NPIPB4: variants seen among roughly 807,000 people sequenced by gnomAD.
NPIPB4 encodes the protein nuclear pore complex-interacting protein family member B4.
For synonymous variants in NPIPB4, 31 were observed against 194.1 expected (o/e 0.16, Z 6.99); for missense variants, 105 against 513.7 (o/e 0.20, Z 7.69).
chr16:21,843,145 GAGAA>G (rs1901956696), intron 5 of NPIPB4, among the ~76,000 whole-genome samples: 2 of 128,870 alleles, frequency 1.6e-5, no homozygotes, highest in Admixed American at 8.4e-5. Flanking sequence ...AAAAAAAAAA[GAGAA>G]AGGAAAACCA....
intron 2 of NPIPB4, among the ~76,000 whole-genome samples, chr16:21,847,893 C>CT (rs1374095202): frequency 7.6e-3 from 127 of 16,704 alleles, no homozygotes; most frequent in Middle Eastern, 0.029. Context: ...AAAAAAACCT[C>CT]TTTTTTTTTT....
intron 2 of NPIPB4, among the ~76,000 whole-genome samples, chr16:21,850,227 C>G (rs1902378632): frequency 6.9e-6 from 1 of 143,970 alleles, no homozygotes; most frequent in African/African-American, 2.5e-5. Flanking sequence ...CCCCATTGCA[C>G]TCCAGCCTGG....
rs1481834332 is a variant in NPIPB4 at position 21,837,361 on chromosome 16, A to G, written c.1026T>C (p.Pro342=). The change falls in exon 8 of 8, where the codon CCT becomes CCC. Residue 342 remains proline (P), a synonymous_variant. Transcript: ENST00000682606. ...GAAGGGGAGTGAGCAGACACTCGGG[A>G]GGTGTCTTGAGTTTATCATCCGCTG... is the stretch of plus-strand genomic sequence containing the variant. The part of the protein sequence containing the change: ...PPSADDKLKT[P]PECLLTPLPP... 2 of 1,340,164 alleles carry G rather than the reference A, an allele frequency of 1.5e-6. No homozygotes were observed. The highest frequency in any genetic ancestry group is 4.4e-5 in the Admixed American group (2 of 45,452). 83.0% of individuals were successfully genotyped at this position (1,340,164 alleles called of 1,614,324 possible). A position where few individuals can be genotyped will look rare whatever the true frequency, so the allele number is the denominator to read the frequency against.
At chr16:21,849,958 G>T (rs866802024) in intron 2 of NPIPB4, among the ~76,000 whole-genome samples, 102 of 26,014 alleles carry the variant, frequency 3.9e-3, no homozygotes, top group South Asian at 0.031. Flanking sequence ...ACTTTCTGGG[G>T]TGACATAATA....
chr16:21,840,308 TACAGTTTCTGAACTC>T (rs1223323708), intron 5 of NPIPB4, among the ~76,000 whole-genome samples: 1 of 55,794 alleles, frequency 1.8e-5, no homozygotes, highest in Non-Finnish European at 4.0e-5. Flanking sequence ...GAGGGTGGGG[TACAGTTTCTGAACTC>T]ACTTGTAGGT....
rs201228094 is a variant in NPIPB4, at chr16:21,837,471, C to T, written c.916G>A (p.Glu306Lys). ...GGTGGAAGGGGAGTGAGCACACACT[C>T]GGGAGGTGTCTTGAGATTATCATCC... Reference protein sequence around the residue: ...SADDNLKTPPECVLTPLPPSA... With the variant: ...SADDNLKTPPKCVLTPLPPSA... The change falls in exon 8 of 8, where the codon GAG becomes AAG. Residue 306 changes from glutamate (E) to lysine (K), a missense_variant. Coordinates refer to ENST00000682606, the MANE Select transcript of NPIPB4 (RefSeq NM_001384980.1). 1,668 of 664,926 alleles carry T rather than the reference C, an allele frequency of 2.5e-3. 190 individuals are homozygous for T. Among genetic ancestry groups the T allele is most frequent in the Non-Finnish European group, 1.8e-3 (774 of 436,394 alleles). The allele number at this position is 664,926 out of a possible 1,614,324, so 41.2% of individuals were successfully genotyped here.
intron 2 of NPIPB4, among the ~76,000 whole-genome samples, chr16:21,850,672 A>T (rs1407360583): frequency 7.8e-5 from 8 of 102,464 alleles, no homozygotes; most frequent in African/African-American, 4.2e-4. Context: ...ACTCTGTCTA[A>T]AAAAAAAAAA....
intron 2 of NPIPB4, among the ~76,000 whole-genome samples, chr16:21,850,580 G>T (rs1268711263): frequency 5.6e-5 from 8 of 141,786 alleles, no homozygotes; most frequent in African/African-American, 2.2e-4. Context: ...GCTGAGGCAG[G>T]ACAATTGCTT....
In NPIPB4 at chr16:21,836,368, T is replaced by G. The variant is rs1221561036; in HGVS notation, c.2019A>C (p.Ser673=). Residue 673 remains serine (S), a synonymous_variant, in exon 8 of 8, where the codon TCA becomes TCC. Transcript: ENST00000682606. Reference sequence around the variant, plus strand: ...GTGAGCTGACGCTCGGAAGGTGTCTTGAGATTATCATCGGCTGATGGTGGA... The same window carrying G: ...GTGAGCTGACGCTCGGAAGGTGTCTGGAGATTATCATCGGCTGATGGTGGA... The part of the protein sequence containing the change: ...FRFHHQPMII[S]RHLPSVSSLP... 35 of 743,230 alleles carry G rather than the reference T, an allele frequency of 4.7e-5. No homozygotes were observed. Among genetic ancestry groups the G allele is most frequent in the Non-Finnish European group, 6.5e-5 (31 of 479,226 alleles). 46.0% of individuals were successfully genotyped at this position (743,230 alleles called of 1,614,324 possible).
chr16:21,840,529 C>T (rs565617794), intron 5 of NPIPB4, among the ~76,000 whole-genome samples: 1 of 150,566 alleles, frequency 6.6e-6, no homozygotes, highest in Non-Finnish European at 1.5e-5. Context: ...AAAGATTCCC[C>T]CCTGCAACCT....
Position 21,840,616 on chromosome 16 carries a change from C to T in NPIPB4, c.546-1306G>A, listed in dbSNP as rs1349494584. Among the ~76,000 whole-genome samples, 9 of 139,734 alleles carry T rather than the reference C, an allele frequency of 6.4e-5. 1 individual carries two copies. Among genetic ancestry groups the T allele is most frequent in the African/African-American group, 2.3e-4 (9 of 38,438 alleles). The allele number at this position is 139,734 out of a possible 152,430, so 91.7% of individuals were successfully genotyped here. A position where few individuals can be genotyped will look rare whatever the true frequency, so the allele number is the denominator to read the frequency against. Reference sequence around the variant, plus strand: ...CCCATTGAGGGACAAAAAAAAGTCACACTCTGGCCTGCTGGCAAGTCACCT... The same window carrying T: ...CCCATTGAGGGACAAAAAAAAGTCATACTCTGGCCTGCTGGCAAGTCACCT... On this transcript the variant is annotated intron_variant, in intron 5 of 7. Coordinates refer to ENST00000682606, the MANE Select transcript of NPIPB4 (RefSeq NM_001384980.1).
At position 21,836,373 on chromosome 16, in the gene NPIPB4, T is replaced by C. The variant is rs1262465622; in HGVS notation, c.2014A>G (p.Ile672Val). ...GFRFHHQPMI[I>V]SRHLPSVSSL... ...CTGACGCTCGGAAGGTGTCTTGAGA[T>C]TATCATCGGCTGATGGTGGAAGCGG... The change falls in exon 8 of 8, where the codon ATC becomes GTC. Residue 672 changes from isoleucine to valine, a missense_variant. Coordinates refer to ENST00000682606, the MANE Select transcript of NPIPB4 (RefSeq NM_001384980.1). 1 of 806,060 alleles carries C rather than the reference T, an allele frequency of 1.2e-6. No homozygotes were observed. Among genetic ancestry groups the C allele is most frequent in the South Asian group, 1.5e-5 (1 of 65,334 alleles). 49.9% of individuals were successfully genotyped at this position (806,060 alleles called of 1,614,324 possible).
Position 21,836,453 on chromosome 16 carries a change from T to C in NPIPB4, c.1934A>G (p.Gln645Arg), listed in dbSNP as rs1901489107. Residue 645 changes from glutamine (Q) to arginine (R), a missense_variant, in exon 8 of 8, where the codon CAG becomes CGG. Transcript: ENST00000682606. The stretch of plus-strand genomic sequence containing the variant: ...TATTATCATCTGCTGAGGGTGGAGC[T>C]GAGGGTGGAAGGGGAGTGAGCTGAC... ...PSVSSLPFHP[Q>R]LHPQQMIISR... 1 of 1,245,112 alleles carries C rather than the reference T, an allele frequency of 8.0e-7. No homozygotes were observed. The highest frequency in any genetic ancestry group is 1.3e-5 in the South Asian group (1 of 75,866). The allele number at this position is 1,245,112 out of a possible 1,614,324, so 77.1% of individuals were successfully genotyped here.
At chr16:21,842,029 T>C (rs1253004523) in intron 5 of NPIPB4, among the ~76,000 whole-genome samples, 1 of 151,448 alleles carries the variant, frequency 6.6e-6, no homozygotes, top group Non-Finnish European at 1.5e-5. Flanking sequence ...GCAGCTTGTA[T>C]GGAGGACCCC....
chr16:21,850,545 CG>C, intron 2 of NPIPB4, among the ~76,000 whole-genome samples: 1 of 150,308 alleles, frequency 6.7e-6, no homozygotes, highest in Non-Finnish European at 1.5e-5. Flanking sequence ...ATTAGCCAGG[CG>C]TTGTAATCTG....
At chr16:21,851,285 G>A (rs1191518952) in intron 2 of NPIPB4, 104 of 217,388 alleles carry the variant, frequency 4.8e-4, no homozygotes, top group Middle Eastern at 3.2e-3. Context: ...GGAGGGGGAG[G>A]GGAGGGGGAG....
intron 2 of NPIPB4, among the ~76,000 whole-genome samples, chr16:21,850,643 G>A (rs1469168396): frequency 1.2e-3 from 60 of 51,842 alleles, no homozygotes; most frequent in Non-Finnish European, 6.4e-4. Flanking sequence ...CTGCACTCCA[G>A]CCTGGGCGAC....
chr16:21,840,155 A>G, intron 5 of NPIPB4: 1 of 75,276 alleles, frequency 1.3e-5, no homozygotes, highest in Non-Finnish European at 2.3e-5. Flanking sequence ...GGTAAATATT[A>G]AGGTACTTTG....
At chr16:21,840,288 C>T (rs1195315367) in intron 5 of NPIPB4, among the ~76,000 whole-genome samples, 32 of 54,826 alleles carry the variant, frequency 5.8e-4, no homozygotes, top group South Asian at 1.9e-3. Context: ...CTCCAATGGG[C>T]GTTTCCCAAG....
Sources: allele counts gnomAD v4.1 joint callset (sites outside exome capture counted in the v4.1 genomes callset), GRCh38; gene constraint gnomAD v4.1.1; transcripts MANE v1.5; gene names NCBI Gene and HGNC (gene_info 2026-07-23, HGNC 2026-07-21).